Variants in BCL9 observed in about 807,000 individuals in gnomAD.
BCL9 encodes B-cell CLL/lymphoma 9 protein.
In BCL9, 25 loss-of-function variants were observed where a neutral mutation model predicts 88.5. That is an observed-to-expected ratio of 0.28 (90% CI 0.21 to 0.39). The LOEUF is 0.39. BCL9 is among the 10% of genes least tolerant of loss of function. The pLI, the probability that BCL9 is intolerant of heterozygous loss-of-function variation, is 1.00. For synonymous variants in BCL9, 711 were observed against 673.3 expected, an observed-to-expected ratio of 1.06 and a Z score of -0.87; for missense variants, 1,817 against 1,877.8, an observed-to-expected ratio of 0.97 and a Z score of 0.60.
chr1:147,568,216 TG>T (rs782686743), intron 1 of BCL9, among the ~76,000 whole-genome samples: 1 of 152,234 alleles, frequency 6.6e-6, no homozygotes. Flanking sequence ...AAGCACTTTA[TG>T]GGGAAGCATT....
At chr1:147,596,480 C>A (rs1365677667) in intron 1 of BCL9, among the ~76,000 whole-genome samples, 6 of 139,012 alleles carry the variant, frequency 4.3e-5, no homozygotes, top group African/African-American at 1.6e-4. Flanking sequence ...GTGGAGCGAT[C>A]TAGGCTCACT....
intron 1 of BCL9, among the ~76,000 whole-genome samples, chr1:147,548,099 T>G (rs1553194445): frequency 6.6e-6 from 1 of 152,208 alleles, no homozygotes; most frequent in Non-Finnish European, 1.5e-5. Flanking sequence ...GAAGAGAAAC[T>G]TATGAACCTT....
At chr1:147,562,094 C>T (rs955661315) in intron 1 of BCL9, among the ~76,000 whole-genome samples, 5 of 152,044 alleles carry the variant, frequency 3.3e-5, no homozygotes, top group South Asian at 4.1e-4. Flanking sequence ...TTTAGGAGGC[C>T]GAGGCGGGCG....
At chr1:147,570,037 G>A (rs1235846328) in intron 1 of BCL9, among the ~76,000 whole-genome samples, 4 of 152,198 alleles carry the variant, frequency 2.6e-5, no homozygotes, top group Non-Finnish European at 5.9e-5. Flanking sequence ...GATGTCTAAC[G>A]GAGCTTGTGG....
chr1:147,597,117 T>A (rs1372386766), intron 1 of BCL9, among the ~76,000 whole-genome samples: 3 of 152,200 alleles, frequency 2.0e-5, no homozygotes, highest in Admixed American at 6.5e-5. Flanking sequence ...AAACTGAGCA[T>A]AATCTTGGCA....
intron 5 of BCL9, 45 bp downstream of exon 5, chr1:147,613,244 C>T (rs372702331): frequency 1.9e-6 from 3 of 1,604,012 alleles, no homozygotes; most frequent in African/African-American, 2.7e-5. Flanking sequence ...GTAGGTGTTC[C>T]TGAGGGAAGG....
Position 147,576,822 on chromosome 1 carries a change from G to A in BCL9, c.-477-27955G>A, listed in dbSNP as rs587756700. On this transcript the variant is annotated intron_variant, in intron 1 of 9. Transcript: ENST00000234739. The stretch of plus-strand genomic sequence containing the variant: ...CCGCCTCCTCTGGTGACCTTAAGTT[G>A]CCTACAGTGTGCAAAATAATGTAAA... Among the ~76,000 whole-genome samples, 6 of 152,268 alleles carry A rather than the reference G, an allele frequency of 3.9e-5. No individual in the cohort carries two copies. In the East Asian group the frequency reaches 1.2e-3, roughly 29 times the overall value.
At chr1:147,574,548 G>T (rs1323117449) in intron 1 of BCL9, among the ~76,000 whole-genome samples, 1 of 152,106 alleles carries the variant, frequency 6.6e-6, no homozygotes, top group Admixed American at 6.5e-5. Context: ...TGAACTCCTA[G>T]AAGTCATCTT....
chr1:147,617,591 A>G (rs1658353347), intron 7 of BCL9, among the ~76,000 whole-genome samples: 1 of 152,332 alleles, frequency 6.6e-6, no homozygotes. Flanking sequence ...ACATTTATAT[A>G]TATATTCACA....
chr1:147,572,956 C>T (rs1334510503), intron 1 of BCL9, among the ~76,000 whole-genome samples: 4 of 152,128 alleles, frequency 2.6e-5, no homozygotes, highest in Non-Finnish European at 4.4e-5. Flanking sequence ...TTTGTTTCTC[C>T]GGATGGAACA....
At position 147,625,047 on chromosome 1, in the gene BCL9, A is replaced by C; in HGVS notation, c.*88A>C. Reference sequence around the variant, plus strand: ...TGAGGGAGTTCCAGGAGTACTTACTATTGGTCATGCAATAGGAGAACAGAG... The same window carrying C: ...TGAGGGAGTTCCAGGAGTACTTACTCTTGGTCATGCAATAGGAGAACAGAG... On this transcript the variant is annotated 3_prime_UTR_variant, in exon 10 of 10. Coordinates refer to ENST00000234739, the MANE Select transcript of BCL9 (RefSeq NM_004326.4). The C allele has an allele frequency of 6.7e-7, 1 of 1,488,950 alleles. No individual in the cohort carries two copies. The highest frequency in any genetic ancestry group is 2.1e-5 in the Admixed American group (1 of 48,134). The allele number at this position is 1,488,950 out of a possible 1,614,324, so 92.2% of individuals were successfully genotyped here.
At chr1:147,602,101 A>G (rs1657422725) in intron 1 of BCL9, among the ~76,000 whole-genome samples, 1 of 151,886 alleles carries the variant, frequency 6.6e-6, no homozygotes, top group Admixed American at 6.6e-5. Flanking sequence ...GGGTTTCACC[A>G]TGTTGGCCAG....
At position 147,622,413 on chromosome 1, in the gene BCL9, G is replaced by A. The variant is rs1476918519; in HGVS notation, c.3045G>A (p.Lys1015=). ...PLSIMMSRMS[K]FAMPSSTPLY... ...CTATTATGATGTCTCGAATGTCCAAGTTTGCAATGCCCAGTTCCACCCCGT... is the reference window on the plus strand; with the variant it reads ...CTATTATGATGTCTCGAATGTCCAAATTTGCAATGCCCAGTTCCACCCCGT... Residue 1015 remains lysine (K), a synonymous_variant, in exon 9 of 10, where the codon AAG becomes AAA. Transcript: ENST00000234739. 3 of 1,613,996 alleles carry A rather than the reference G, an allele frequency of 1.9e-6. No individual in the cohort carries two copies. Among genetic ancestry groups the A allele is most frequent in the Non-Finnish European group, 2.5e-6 (3 of 1,180,052 alleles).
intron 1 of BCL9, among the ~76,000 whole-genome samples, chr1:147,567,493 G>T (rs1398369779): frequency 6.6e-6 from 1 of 152,136 alleles, no homozygotes; most frequent in Non-Finnish European, 1.5e-5. Context: ...AGGAAATTTG[G>T]GAGGGAAAGA....
intron 1 of BCL9, among the ~76,000 whole-genome samples, chr1:147,576,945 A>T (rs1553198151): frequency 6.6e-6 from 1 of 152,200 alleles, no homozygotes; most frequent in African/African-American, 2.4e-5. Flanking sequence ...TGTTGATATA[A>T]AAGGTACCAT....
intron 8 of BCL9, 138 bp from the exon 9 acceptor site, chr1:147,622,133 T>G: frequency 8.2e-7 from 1 of 1,222,840 alleles, no homozygotes; most frequent in Non-Finnish European, 1.1e-6. Flanking sequence ...AGATTGATGA[T>G]TTGTGTCTGG....
chr1:147,610,203 G>T (rs946751722), intron 3 of BCL9, among the ~76,000 whole-genome samples: 1 of 151,486 alleles, frequency 6.6e-6, no homozygotes, highest in South Asian at 2.1e-4. Flanking sequence ...AAGCTGATGG[G>T]GATAAAAATA....
Position 147,624,712 on chromosome 1 carries a change from C to G in BCL9, c.4034C>G (p.Pro1345Arg). 2 of 1,614,208 alleles carry G rather than the reference C, an allele frequency of 1.2e-6. No homozygotes were observed. The highest frequency in any genetic ancestry group is 8.5e-7 in the Non-Finnish European group (1 of 1,180,038). Reference sequence around the variant, plus strand: ...GCACAATCTACAATGCCCGGCCAGCCCACCCTGATGAGCAATCCAGCTGCT... The same window carrying G: ...GCACAATCTACAATGCCCGGCCAGCGCACCCTGATGAGCAATCCAGCTGCT... ...SPAQSTMPGQPTLMSNPAAAV... is the reference protein window; with the variant it reads ...SPAQSTMPGQRTLMSNPAAAV... The change falls in exon 10 of 10, where the codon CCC becomes CGC. Residue 1345 changes from proline (P) to arginine (R), a missense_variant. Physicochemically the swap from Pro to Arg is moderately radical, Grantham distance 103. This residue lies in a region of BCL9 where 589 missense variants were observed against 686.2 expected (regional missense o/e 0.86). Coordinates refer to ENST00000234739, the MANE Select transcript of BCL9 (RefSeq NM_004326.4). The surrounding 1 kb of genome is among the most constrained non-coding windows in gnomAD (Gnocchi z 4.4).
chr1:147,596,642 T>C (rs1313750390), intron 1 of BCL9, among the ~76,000 whole-genome samples: 4 of 151,942 alleles, frequency 2.6e-5, no homozygotes, highest in African/African-American at 9.7e-5. Flanking sequence ...CTCAATCTCC[T>C]GACCTCGTGA....
Sources: allele counts gnomAD v4.1 joint callset (sites outside exome capture counted in the v4.1 genomes callset), GRCh38; gene constraint gnomAD v4.1.1; regional missense constraint gnomAD v4.1.1; non-coding constraint Gnocchi (gnomAD v3.1); transcripts MANE v1.5; gene names NCBI Gene and HGNC (gene_info 2026-07-23, HGNC 2026-07-21).